The following DNAH8 variants were observed in gnomAD, a reference collection of about 807,000 sequenced individuals.
DNAH8 encodes axonemal beta dynein heavy chain 8.
Under a neutral mutation model 562.1 loss-of-function variants are expected in DNAH8, and 382 were observed. That is an observed-to-expected ratio of 0.68 (90% CI 0.63 to 0.74). The LOEUF (loss-of-function observed/expected upper bound fraction) is 0.74, where lower values mean the gene tolerates loss of function less well. DNAH8 is among the 30% of genes least tolerant of loss of function. The probability of loss-of-function intolerance (pLI) is 0.00; values close to 1 mark genes in which losing one functional copy is unlikely to be tolerated. For missense variants in DNAH8, 5,203 were observed against 5,620.4 expected, an observed-to-expected ratio of 0.93 and a Z score of 2.37; for synonymous variants, 1,881 against 1,919.4, an observed-to-expected ratio of 0.98 and a Z score of 0.52.
chr6:38,999,365 CTG>C (rs1444216505), intron 88 of DNAH8, among the ~76,000 whole-genome samples: 2 of 151,056 alleles, frequency 1.3e-5, no homozygotes, highest in African/African-American at 4.9e-5. Flanking sequence ...CTGAAGGTGA[CTG>C]AGAGAGCACC....
At position 38,868,045 on chromosome 6, in the gene DNAH8, C is replaced by T; in HGVS notation, c.6694-17C>T. 6.2e-7 allele frequency: 1 copy of T among 1,602,274 alleles called. No individual in the cohort carries two copies. Among genetic ancestry groups the T allele is most frequent in the Non-Finnish European group, 8.5e-7 (1 of 1,176,142 alleles). On this transcript the variant is annotated splice_polypyrimidine_tract_variant and intron_variant, in intron 47 of 92. Coordinates refer to ENST00000327475, the MANE Select transcript of DNAH8 (RefSeq NM_001206927.2). ...TTTTCAATTAAACCATCTTTTTGCC[C>T]TCTTCTCCCATCTCAGGTTCATTAT...
chr6:38,853,112 T>G, intron 40 of DNAH8, 74 bp from the exon 41 acceptor site: 1 of 1,149,606 alleles, frequency 8.7e-7, no homozygotes, highest in Non-Finnish European at 1.3e-6. Context: ...CTATGATTTA[T>G]TAAGTGTGCA....
chr6:38,900,907 C>G (rs1321243425), intron 62 of DNAH8, among the ~76,000 whole-genome samples: 6 of 152,180 alleles, frequency 3.9e-5, no homozygotes, highest in African/African-American at 1.2e-4. Flanking sequence ...CCGCGCCTGG[C>G]CGATTTTAGC....
chr6:38,756,032 T>A lies in DNAH8; in HGVS notation c.1468T>A (p.Ser490Thr). Residue 490 changes from serine (S) to threonine (T), a missense_variant, in exon 10 of 93, where the codon TCA (serine) becomes ACA (threonine). Ser to Thr is a moderately conservative substitution (Grantham distance 58, BLOSUM62 1). This residue lies in a region of DNAH8 where 2,176 missense variants were observed against 2,365.1 expected (regional missense o/e 0.92). Transcript: ENST00000327475. ...TGCCATCAGAATGATTCACGGTGTG[T>A]CAAGGTATTATAATACCTCAGAGAG... is the stretch of plus-strand genomic sequence containing the variant. ...INAIRMIHGV[S>T]RYYNTSERMT... 1 of 1,611,186 alleles carries A rather than the reference T, an allele frequency of 6.2e-7. No individual in the cohort carries two copies. The highest frequency in any genetic ancestry group is 8.5e-7 in the Non-Finnish European group (1 of 1,177,700).
In DNAH8 at chr6:38,960,092, C is replaced by G. The variant is rs553771963; in HGVS notation, c.12451+8572C>G. Among the ~76,000 whole-genome samples the G allele has an allele frequency of 8.5e-4, 130 of 152,112 alleles. 1 individual carries two copies. The highest frequency in any genetic ancestry group is 2.9e-3 in the African/African-American group (119 of 41,564). On this transcript the variant is annotated intron_variant, in intron 82 of 92. Coordinates refer to ENST00000327475, the MANE Select transcript of DNAH8 (RefSeq NM_001206927.2). ...AGAATAATGAAACTAGACCCTATCT[C>G]TCACCATACACAAAAATCAAATCAA...
intron 92 of DNAH8, among the ~76,000 whole-genome samples, chr6:39,029,804 C>T (rs971300532): frequency 1.3e-5 from 2 of 152,200 alleles, no homozygotes; most frequent in African/African-American, 2.4e-5. Context: ...GAGACTTTCA[C>T]CTCCCTATAG....
intron 53 of DNAH8, among the ~76,000 whole-genome samples, chr6:38,877,896 C>T (rs4443498): frequency 3.4e-4 from 52 of 151,914 alleles, no homozygotes; most frequent in Admixed American, 7.2e-4. Flanking sequence ...CTGAAATCAC[C>T]GAGGGAAGTG....
chr6:38,833,488 GCTT>G (rs1774022115), intron 31 of DNAH8, among the ~76,000 whole-genome samples: 2 of 152,182 alleles, frequency 1.3e-5, no homozygotes, highest in South Asian at 4.1e-4. Flanking sequence ...AGCCAGTCAG[GCTT>G]CTTAAGTTAC....
chr6:38,851,742 A>T (rs560451072), intron 39 of DNAH8, 68 bp downstream of exon 39: 378 of 1,018,780 alleles, frequency 3.7e-4, no homozygotes, highest in Non-Finnish European at 5.4e-4. Flanking sequence ...ATAAAAGTGA[A>T]GTTAAAATCT....
At chr6:38,963,680 CTTTTTTTTTTTT>C (rs778971367) in intron 82 of DNAH8, among the ~76,000 whole-genome samples, 31 of 60,602 alleles carry the variant, frequency 5.1e-4, no homozygotes, top group Non-Finnish European at 8.0e-4. Flanking sequence ...AAAGTCCATT[CTTTTTTTTTTTT>C]TTTTTTTTTA....
intron 88 of DNAH8, among the ~76,000 whole-genome samples, chr6:39,001,867 A>G (rs1765507725): frequency 6.6e-6 from 1 of 152,096 alleles, no homozygotes; most frequent in South Asian, 2.1e-4. Context: ...TCAGGAAGTT[A>G]GGGGGCAGAA....
At position 38,870,209 on chromosome 6, in the gene DNAH8, G is replaced by A. The variant is rs116113578; in HGVS notation, c.6829-192G>A. Reference sequence around the variant, plus strand: ...AGTTATGGGAGCTACGATTCCAGATGAGATTTGGGTAGGGACACAGCCAAA... The same window carrying A: ...AGTTATGGGAGCTACGATTCCAGATAAGATTTGGGTAGGGACACAGCCAAA... On this transcript the variant is annotated intron_variant, in intron 48 of 92. Coordinates refer to ENST00000327475, the MANE Select transcript of DNAH8 (RefSeq NM_001206927.2). 4.1e-3 allele frequency among the ~76,000 whole-genome samples: 621 copies of A among 152,318 alleles called. 4 individuals are homozygous for A. The highest frequency in any genetic ancestry group is 0.02 in the Middle Eastern group (6 of 294).
intron 7 of DNAH8, among the ~76,000 whole-genome samples, chr6:38,740,693 C>T (rs778986161): frequency 2.6e-5 from 4 of 152,104 alleles, no homozygotes; most frequent in African/African-American, 9.7e-5. Flanking sequence ...TAGCTCACTG[C>T]AGCCTCCAGC....
At chr6:39,013,718 G>T (rs527598655) in intron 91 of DNAH8, among the ~76,000 whole-genome samples, 1 of 152,292 alleles carries the variant, frequency 6.6e-6, no homozygotes, top group East Asian at 1.9e-4. Context: ...GGGTGTGGTG[G>T]CATGTGCCTG....
At chr6:38,796,280 A>G (rs1738239) in intron 21 of DNAH8, among the ~76,000 whole-genome samples, 93,186 of 151,484 alleles carry the variant, frequency 0.62, 29,164 homozygotes, top group East Asian at 0.84. Flanking sequence ...AGCTCCTGAG[A>G]TAGCAGTGCT....
In DNAH8 at chr6:39,026,672, G is replaced by C. The variant is rs1296223424; in HGVS notation, c.13836+5G>C. ...GAGATCACGTCACCCCCTGGGGTAG[G>C]CGTTGCTGGGCAATAGCAGGGACCA... On this transcript the variant is annotated splice_donor_5th_base_variant and intron_variant, in intron 92 of 92. Coordinates refer to ENST00000327475, the MANE Select transcript of DNAH8 (RefSeq NM_001206927.2). 1 of 1,612,382 alleles carries C rather than the reference G, an allele frequency of 6.2e-7. No individual in the cohort carries two copies.
Position 38,726,356 on chromosome 6 carries a change from C to G in DNAH8, c.525+2885C>G, listed in dbSNP as rs115138870. ...TAGTCCAACTTTAAGTATTTGCCAT[C>G]TGTATTTCTGGGTTGGTATTCTCTG... is the stretch of plus-strand genomic sequence containing the variant. On this transcript the variant is annotated intron_variant, in intron 3 of 92. Coordinates refer to ENST00000327475, the MANE Select transcript of DNAH8 (RefSeq NM_001206927.2). Among the ~76,000 whole-genome samples, 516 of 152,286 alleles carry G rather than the reference C, an allele frequency of 3.4e-3. 4 individuals are homozygous for G. Among genetic ancestry groups the G allele is most frequent in the African/African-American group, 0.012 (498 of 41,544 alleles).
rs767930246 is a variant in DNAH8, at chr6:38,805,536, C to T, written c.3090C>T (p.Asp1030=). ...AAACAGGAGAGGGTGAAAACAATGA[C>T]TATGAAGCTAATATTGTGAATGAGT... ...GSETGEGENN[D]YEANIVNEFD... is the part of the protein sequence containing the mutation. The change falls in exon 23 of 93, where the codon GAC becomes GAT. Residue 1030 remains aspartate (D), a synonymous_variant. Coordinates refer to ENST00000327475, the MANE Select transcript of DNAH8 (RefSeq NM_001206927.2). 6.2e-7 allele frequency: 1 copy of T among 1,610,202 alleles called. No individual in the cohort carries two copies. Among genetic ancestry groups the T allele is most frequent in the South Asian group, 1.1e-5 (1 of 90,974 alleles).
intron 25 of DNAH8, among the ~76,000 whole-genome samples, chr6:38,815,171 A>G (rs1359965373): frequency 3.3e-5 from 5 of 152,234 alleles, no homozygotes; most frequent in African/African-American, 1.2e-4. Flanking sequence ...GAAAAGGATG[A>G]CAAGTACTAG....
Sources: gnomAD v4.1 joint callset for allele counts (sites outside exome capture counted in the v4.1 genomes callset) on GRCh38, gnomAD v4.1.1 for gene constraint, gnomAD v4.1.1 regional missense constraint, MANE v1.5 for transcripts, NCBI Gene and HGNC (gene_info 2026-07-23, HGNC 2026-07-21) for gene names.